TCF12: variants seen among roughly 807,000 people sequenced by gnomAD.
TCF12 encodes DNA-binding protein HTF4.
A neutral mutation model predicts 86.0 loss-of-function variants in TCF12; 45 were observed. That is an observed-to-expected ratio of 0.52 (90% confidence interval 0.41 to 0.67). The LOEUF (loss-of-function observed/expected upper bound fraction) is 0.67, where lower values mean the gene tolerates loss of function less well. Ranked by LOEUF, TCF12 falls within the 30% of genes least tolerant of loss-of-function variation. The pLI, the probability that TCF12 is intolerant of heterozygous loss-of-function variation, is 0.00. For synonymous variants in TCF12, 330 were observed against 299.6 expected, an observed-to-expected ratio of 1.10 and a Z score of -1.05; for missense variants, 881 against 859.9, an observed-to-expected ratio of 1.02 and a Z score of -0.31.
chr15:57,100,699 T>TA (rs1387822301), intron 5 of TCF12, among the ~76,000 whole-genome samples: 1 of 152,132 alleles, frequency 6.6e-6, no homozygotes, highest in African/African-American at 2.4e-5. Context: ...TTATAAAGAA[T>TA]AGAAGTAGGG....
At chr15:57,227,231 G>A (rs766168115) in intron 8 of TCF12, among the ~76,000 whole-genome samples, 10 of 152,040 alleles carry the variant, frequency 6.6e-5, no homozygotes, top group Non-Finnish European at 1.5e-4. Context: ...CTGCTTCTTT[G>A]CATTTTTTCT....
At chr15:56,969,535 A>ATTTT (rs67565542) in intron 3 of TCF12, among the ~76,000 whole-genome samples, 6 of 130,018 alleles carry the variant, frequency 4.6e-5, no homozygotes, top group South Asian at 2.5e-4. Context: ...CCAGTTGGAG[A>ATTTT]TTTTTTTTTT....
Position 57,188,334 on chromosome 15 carries a change from T to C in TCF12, c.391-3824T>C, listed in dbSNP as rs75891520. ...CAGAAGAAATTAAACAAGACTTAAA[T>C]AAATGTAAACACATCTGGTATTCAG... On this transcript the variant is annotated intron_variant, in intron 6 of 20. Coordinates refer to ENST00000333725, the MANE Select transcript of TCF12 (RefSeq NM_207037.2). Among the ~76,000 whole-genome samples the C allele has an allele frequency of 6.4e-3, 969 of 152,262 alleles. 6 individuals are homozygous for C. Among genetic ancestry groups the C allele is most frequent in the Non-Finnish European group, 0.011 (722 of 68,008 alleles).
chr15:56,952,601 A>G lies in TCF12; in HGVS notation c.148+31503A>G, dbSNP rs573076169. Among the ~76,000 whole-genome samples, 208 of 152,212 alleles carry G rather than the reference A, an allele frequency of 1.4e-3. 6 individuals carry two copies. The South Asian group carries it at 0.042, about 31-fold the overall frequency. ...GTTTTCACTGTATAGGTCTCAACAT[A>G]TATTGTCAGATATATCTCTGTTTCA... On this transcript the variant is annotated intron_variant, in intron 3 of 20. Transcript: ENST00000333725.
At chr15:57,273,671 A>C (rs554469970) in intron 19 of TCF12, among the ~76,000 whole-genome samples, 2 of 151,952 alleles carry the variant, frequency 1.3e-5, no homozygotes, top group African/African-American at 4.8e-5. Flanking sequence ...TGGAGTATCT[A>C]CCGTGCCCTG....
chr15:57,123,984 T>A (rs1165719197), intron 5 of TCF12, among the ~76,000 whole-genome samples: 27 of 69,076 alleles, frequency 3.9e-4, no homozygotes, highest in African/African-American at 1.1e-3. Flanking sequence ...AAAAAAAAAT[T>A]TTTTTTTTTT....
intron 5 of TCF12, among the ~76,000 whole-genome samples, chr15:57,108,128 A>G (rs1178624895): frequency 2.3e-4 from 35 of 152,360 alleles, no homozygotes; most frequent in African/African-American, 7.7e-4. Flanking sequence ...AAGACCATCA[A>G]CAACTTGAGA....
At chr15:56,920,257 A>G (rs771349435) in intron 2 of TCF12, among the ~76,000 whole-genome samples, 3 of 152,230 alleles carry the variant, frequency 2.0e-5, no homozygotes, top group Non-Finnish European at 4.4e-5. Context: ...AAGGAGAACA[A>G]TGTAATTATG....
chr15:57,024,205 CAAAA>C (rs1364049599), intron 3 of TCF12, among the ~76,000 whole-genome samples: 1 of 133,070 alleles, frequency 7.5e-6, no homozygotes, highest in Non-Finnish European at 1.6e-5. Flanking sequence ...GACCCATACT[CAAAA>C]AAGTGTCTTT....
intron 3 of TCF12, among the ~76,000 whole-genome samples, chr15:57,011,273 C>G (rs999085040): frequency 5.9e-5 from 9 of 152,194 alleles, no homozygotes; most frequent in African/African-American, 2.2e-4. Context: ...GAACCATCTG[C>G]TTGGTGATAA....
chr15:57,103,310 T>C (rs1379795195), intron 5 of TCF12, among the ~76,000 whole-genome samples: 1 of 152,202 alleles, frequency 6.6e-6, no homozygotes, highest in African/African-American at 2.4e-5. Flanking sequence ...TGTACAGTGA[T>C]TAATGGTTAG....
intron 3 of TCF12, among the ~76,000 whole-genome samples, chr15:57,011,579 C>T (rs1052845396): frequency 5.3e-5 from 8 of 152,140 alleles, no homozygotes; most frequent in African/African-American, 1.7e-4. Flanking sequence ...AAAAGCATCT[C>T]CACCCTCCAC....
At chr15:57,283,947 T>G (rs770200552) in intron 20 of TCF12, among the ~76,000 whole-genome samples, 2 of 152,154 alleles carry the variant, frequency 1.3e-5, no homozygotes, top group Non-Finnish European at 2.9e-5. Flanking sequence ...AGTTATTTCG[T>G]AAGTCAGTTA....
At chr15:57,273,649 C>T (rs1268850319) in intron 19 of TCF12, among the ~76,000 whole-genome samples, 4 of 152,110 alleles carry the variant, frequency 2.6e-5, no homozygotes, top group Non-Finnish European at 5.9e-5. Context: ...CATTTTCTTG[C>T]CTGCTCTACT....
intron 3 of TCF12, among the ~76,000 whole-genome samples, chr15:56,973,840 T>C (rs1180115825): frequency 6.6e-6 from 1 of 152,128 alleles, no homozygotes; most frequent in African/African-American, 2.4e-5. Context: ...AAGTGTCTCC[T>C]GATATAGAGC....
intron 4 of TCF12, among the ~76,000 whole-genome samples, chr15:57,084,466 A>G (rs1435232120): frequency 6.6e-6 from 1 of 152,224 alleles, no homozygotes; most frequent in African/African-American, 2.4e-5. Flanking sequence ...GACTTACAGG[A>G]TAATATAAAC....
At position 57,075,100 on chromosome 15, in the gene TCF12, G is replaced by A. The variant is rs192827784; in HGVS notation, c.222+11277G>A. Among the ~76,000 whole-genome samples the A allele has an allele frequency of 2.3e-4, 35 of 152,174 alleles. 1 individual carries two copies. Among genetic ancestry groups the A allele is most frequent in the African/African-American group, 4.1e-4 (17 of 41,510 alleles). On this transcript the variant is annotated intron_variant, in intron 4 of 20. Transcript: ENST00000333725. The stretch of plus-strand genomic sequence containing the variant: ...ATAATCAGTTTGTTGCTTTGTGCAC[G>A]GAGCAGAGCATATTCTGGTGGTTAG...
chr15:57,032,794 A>G (rs1263442538), intron 3 of TCF12, among the ~76,000 whole-genome samples: 1 of 152,194 alleles, frequency 6.6e-6, no homozygotes, highest in African/African-American at 2.4e-5. Context: ...ATATAATCCA[A>G]AGTTACTTGA....
chr15:57,045,593 T>G (rs1596283031), intron 3 of TCF12, among the ~76,000 whole-genome samples: 1 of 152,198 alleles, frequency 6.6e-6, no homozygotes. Context: ...TAACCCAGGC[T>G]GCAGTACAAT....
Sources: allele counts gnomAD v4.1 joint callset (sites outside exome capture counted in the v4.1 genomes callset), GRCh38; gene constraint gnomAD v4.1.1; transcripts MANE v1.5; gene names NCBI Gene and HGNC (gene_info 2026-07-23, HGNC 2026-07-21).